SNCB: variants seen among roughly 807,000 people sequenced by gnomAD.
The protein encoded by SNCB is beta-synuclein.
In SNCB, 8 loss-of-function variants were observed where a neutral mutation model predicts 20.0. The ratio of observed to expected loss-of-function variants is 0.40; its 90% CI spans 0.24 to 0.72. The LOEUF (loss-of-function observed/expected upper bound fraction) is 0.72. SNCB is among the 30% of genes least tolerant of loss of function. SNCB has a pLI of 0.37. For missense variants in SNCB, 125 were observed against 168.0 expected (o/e 0.74, Z 1.41); for synonymous variants, 56 against 65.4 (o/e 0.86, Z 0.69).
chr5:176,626,341 T>C lies in SNCB; in HGVS notation c.282+57A>G. 17 of 472,448 alleles carry C rather than the reference T, an allele frequency of 3.6e-5. No individual in the cohort carries two copies. In the Middle Eastern group the frequency reaches 1.9e-3, roughly 52 times the overall value. 29.3% of individuals were successfully genotyped at this position (472,448 alleles called of 1,614,324 possible). On this transcript the variant is annotated intron_variant, in intron 4 of 5. Coordinates refer to ENST00000393693, the MANE Select transcript of SNCB (RefSeq NM_003085.5). The surrounding 1 kb of genome is among the most constrained non-coding windows in gnomAD (Gnocchi z 4.2). ...CAGGTTTATTTGTGTGCCTGGTGTG[T>C]GTGTGTGTGTGTGTGTGTGTGTTTG...
At position 176,621,512 on chromosome 5, in the gene SNCB, A is replaced by C. The variant is rs1017885058; in HGVS notation, c.283-209T>G. Among the ~76,000 whole-genome samples the C allele has an allele frequency of 1.3e-4, 20 of 152,350 alleles. No homozygotes were observed. The highest frequency in any genetic ancestry group is 6.5e-4 in the Admixed American group (10 of 15,312). ...TCCCCCGAATCACAGTTGAAGTGGCAGCATGGAGTGGGAGCTGGCTCTCCA... is the reference window on the plus strand; with the variant it reads ...TCCCCCGAATCACAGTTGAAGTGGCCGCATGGAGTGGGAGCTGGCTCTCCA... On this transcript the variant is annotated intron_variant, in intron 4 of 5. Coordinates refer to ENST00000393693, the MANE Select transcript of SNCB (RefSeq NM_003085.5). The surrounding 1 kb of genome is among the most constrained non-coding windows in gnomAD (Gnocchi z 4.1).
chr5:176,627,140 G>A (rs1183024227), intron 2 of SNCB, among the ~76,000 whole-genome samples: 1 of 152,230 alleles, frequency 6.6e-6, no homozygotes, highest in Non-Finnish European at 1.5e-5. Context: ...CCACTAGGAA[G>A]TGGCTGAACT....
chr5:176,620,498 C>G lies in SNCB; in HGVS notation c.*313G>C. On this transcript the variant is annotated 3_prime_UTR_variant, in exon 6 of 6. Coordinates refer to ENST00000393693, the MANE Select transcript of SNCB (RefSeq NM_003085.5). This position sits in a 1 kb window ranked among gnomAD's most constrained non-coding sequence, Gnocchi z 4.5. ...CTGTCGGGGATCGGGGAGGAGCCGTCGCTCGGATCTTCGTTTAAAAACACA... is the reference window on the plus strand; with the variant it reads ...CTGTCGGGGATCGGGGAGGAGCCGTGGCTCGGATCTTCGTTTAAAAACACA... 2.5e-6 allele frequency: 1 copy of G among 402,694 alleles called. No individual in the cohort carries two copies. Among genetic ancestry groups the G allele is most frequent in the Non-Finnish European group, 4.5e-6 (1 of 223,634 alleles). 24.9% of individuals were successfully genotyped at this position (402,694 alleles called of 1,614,324 possible).
At chr5:176,627,585 C>A (rs534563183) in intron 2 of SNCB, among the ~76,000 whole-genome samples, 1 of 152,310 alleles carries the variant, frequency 6.6e-6, no homozygotes, top group East Asian at 1.9e-4. Context: ...TGGGGAGTAT[C>A]CCGTCTGACA....
In SNCB at chr5:176,629,702, C is replaced by A. The variant is rs755588151; in HGVS notation, c.-9-39G>T. ...TACACGGGCACCGGTGCACTGGCCC[C>A]GCACTCTCACCCCAGCCCCTCCCGC... On this transcript the variant is annotated intron_variant, in intron 1 of 5. Transcript: ENST00000393693. The surrounding 1 kb of genome is among the most constrained non-coding windows in gnomAD (Gnocchi z 4.1). The A allele has an allele frequency of 1.2e-6, 2 of 1,600,068 alleles. No individual in the cohort carries two copies. Among genetic ancestry groups the A allele is most frequent in the Non-Finnish European group, 1.7e-6 (2 of 1,171,330 alleles).
At position 176,629,428 on chromosome 5, in the gene SNCB, C is replaced by T. The variant is rs1760192133; in HGVS notation, c.121+106G>A. ...CTGCTGACCTCGCCCCATCTGCTGA[C>T]TCATATTCTCCTGCCCAGAACCCCC... On this transcript the variant is annotated intron_variant, in intron 2 of 5. Transcript: ENST00000393693. The surrounding 1 kb of genome is among the most constrained non-coding windows in gnomAD (Gnocchi z 4.1). 2.4e-6 allele frequency: 3 copies of T among 1,262,124 alleles called. No individual in the cohort carries two copies. Among genetic ancestry groups the T allele is most frequent in the Non-Finnish European group, 3.4e-6 (3 of 892,002 alleles). The allele number at this position is 1,262,124 out of a possible 1,614,324, so 78.2% of individuals were successfully genotyped here.
In SNCB at chr5:176,620,859, G is replaced by A. The variant is rs1262112829; in HGVS notation, c.373-16C>T. The A allele has an allele frequency of 5.6e-6, 9 of 1,612,862 alleles. No homozygotes were observed. Among genetic ancestry groups the A allele is most frequent in the Non-Finnish European group, 7.6e-6 (9 of 1,178,886 alleles). On this transcript the variant is annotated splice_polypyrimidine_tract_variant and intron_variant, in intron 5 of 5. Transcript: ENST00000393693. This position sits in a 1 kb window ranked among gnomAD's most constrained non-coding sequence, Gnocchi z 4.5. The stretch of plus-strand genomic sequence containing the variant: ...GATATTCCTCCTGCATCACCGGGAT[G>A]GGGGTGGAGTAGAGAAGAGCAAAAA...
At position 176,629,795 on chromosome 5, in the gene SNCB, T is replaced by TC. The variant is rs1196858986; in HGVS notation, c.-9-133dup. 2.5e-6 allele frequency: 3 copies of TC among 1,217,100 alleles called. No homozygotes were observed. The highest frequency in any genetic ancestry group is 1.1e-6 in the Non-Finnish European group (1 of 895,140). 75.4% of individuals were successfully genotyped at this position (1,217,100 alleles called of 1,614,324 possible). ...CTGGACCCTGAGCCCCCTCCCGCTTTCCCCCCATCCCACCCCACTCCCCAG... is the reference window on the plus strand; with the variant it reads ...CTGGACCCTGAGCCCCCTCCCGCTTTCCCCCCCATCCCACCCCACTCCCCAG... On this transcript the variant is annotated intron_variant, in intron 1 of 5. Transcript: ENST00000393693. The surrounding 1 kb of genome is among the most constrained non-coding windows in gnomAD (Gnocchi z 4.1).
In SNCB at chr5:176,620,389, T is replaced by G; in HGVS notation, c.*422A>C. 5.2e-6 allele frequency: 1 copy of G among 192,414 alleles called. No homozygotes were observed. The highest frequency in any genetic ancestry group is 1.3e-4 in the East Asian group (1 of 7,784). The allele number at this position is 192,414 out of a possible 1,614,324, so 11.9% of individuals were successfully genotyped here. On this transcript the variant is annotated 3_prime_UTR_variant, in exon 6 of 6. Transcript: ENST00000393693. The surrounding 1 kb of genome is among the most constrained non-coding windows in gnomAD (Gnocchi z 4.5). ...ACATGGCACAGCCTGGCTCCTGGTTTTGGTTAAAAAAAAAAAGGTTCTCGA... is the reference window on the plus strand; with the variant it reads ...ACATGGCACAGCCTGGCTCCTGGTTGTGGTTAAAAAAAAAAAGGTTCTCGA...
chr5:176,621,162 C>T lies in SNCB; in HGVS notation c.372+52G>A. ...GATGTCCCACCCCAGCTAGGGACGGCAGCAATCATCCTGGATTCCCAAAGT... is the reference window on the plus strand; with the variant it reads ...GATGTCCCACCCCAGCTAGGGACGGTAGCAATCATCCTGGATTCCCAAAGT... On this transcript the variant is annotated intron_variant, in intron 5 of 5. Coordinates refer to ENST00000393693, the MANE Select transcript of SNCB (RefSeq NM_003085.5). This position sits in a 1 kb window ranked among gnomAD's most constrained non-coding sequence, Gnocchi z 4.1. The T allele has an allele frequency of 7.1e-6, 10 of 1,418,152 alleles. No individual in the cohort carries two copies. The highest frequency in any genetic ancestry group is 9.9e-6 in the Non-Finnish European group (10 of 1,015,150). 87.8% of individuals were successfully genotyped at this position (1,418,152 alleles called of 1,614,324 possible).
chr5:176,622,779 C>T (rs1427833222), intron 4 of SNCB, among the ~76,000 whole-genome samples: 1 of 144,286 alleles, frequency 6.9e-6, no homozygotes, highest in Non-Finnish European at 1.5e-5. Context: ...CTCTGTGGCC[C>T]AGGCTGGTGC....
chr5:176,624,109 G>A (rs975015406), intron 4 of SNCB, among the ~76,000 whole-genome samples: 2 of 152,176 alleles, frequency 1.3e-5, no homozygotes, highest in African/African-American at 2.4e-5. Flanking sequence ...GCCTTGAGGC[G>A]TCAACAAGCA....
chr5:176,621,651 GATAACCCTC>G lies in SNCB; in HGVS notation c.283-357_283-349del, dbSNP rs1489712805. Among the ~76,000 whole-genome samples, 5 of 152,248 alleles carry G rather than the reference GATAACCCTC, an allele frequency of 3.3e-5. No individual in the cohort carries two copies. Among genetic ancestry groups the G allele is most frequent in the African/African-American group, 1.2e-4 (5 of 41,476 alleles). ...CTGTGCTGGGCATCGGGACCCCAGA[GATAACCCTC>G]AGGCTCCCCTGGGCTGAAGGGAGCT... On this transcript the variant is annotated intron_variant, in intron 4 of 5. Coordinates refer to ENST00000393693, the MANE Select transcript of SNCB (RefSeq NM_003085.5). The surrounding 1 kb of genome is among the most constrained non-coding windows in gnomAD (Gnocchi z 4.1).
chr5:176,626,865 C>T lies in SNCB; in HGVS notation c.122-104G>A. ...AGTGGGCATCCTGGCCCCGTCACTGCCTCCTTGGGTCCCCACATCCTACAA... is the reference window on the plus strand; with the variant it reads ...AGTGGGCATCCTGGCCCCGTCACTGTCTCCTTGGGTCCCCACATCCTACAA... On this transcript the variant is annotated intron_variant, in intron 2 of 5. Coordinates refer to ENST00000393693, the MANE Select transcript of SNCB (RefSeq NM_003085.5). This position sits in a 1 kb window ranked among gnomAD's most constrained non-coding sequence, Gnocchi z 4.2. 3.3e-6 allele frequency: 4 copies of T among 1,203,986 alleles called. No individual in the cohort carries two copies. Among genetic ancestry groups the T allele is most frequent in the Middle Eastern group, 2.1e-4 (1 of 4,808 alleles). 74.6% of individuals were successfully genotyped at this position (1,203,986 alleles called of 1,614,324 possible).
At position 176,620,919 on chromosome 5, in the gene SNCB, G is replaced by A. The variant is rs890438222; in HGVS notation, c.373-76C>T. On this transcript the variant is annotated intron_variant, in intron 5 of 5. Coordinates refer to ENST00000393693, the MANE Select transcript of SNCB (RefSeq NM_003085.5). The surrounding 1 kb of genome is among the most constrained non-coding windows in gnomAD (Gnocchi z 4.5). ...GTTTGAGACCAAGTGGCCAAGCCCC[G>A]GCCCAAGAACCCTCTCCCTGAAGGA... The A allele has an allele frequency of 9.2e-6, 12 of 1,308,760 alleles. No individual in the cohort carries two copies. Among genetic ancestry groups the A allele is most frequent in the South Asian group, 2.3e-5 (2 of 85,158 alleles). The allele number at this position is 1,308,760 out of a possible 1,614,324, so 81.1% of individuals were successfully genotyped here. A position where few individuals can be genotyped will look rare whatever the true frequency, so the allele number is the denominator to read the frequency against.
At position 176,630,523 on chromosome 5, in the gene SNCB, T is replaced by G. The variant is rs1760330176; in HGVS notation, c.-253A>C. The stretch of plus-strand genomic sequence containing the variant: ...CCGGCTCCGGCTCCGGCTCCGGCGC[T>G]GCGGCAGCTCTGAGCTCAGCGCCCC... On this transcript the variant is annotated 5_prime_UTR_variant, in exon 1 of 6. Transcript: ENST00000393693. 1 of 152,642 alleles carries G rather than the reference T, an allele frequency of 6.6e-6. No homozygotes were observed. Among genetic ancestry groups the G allele is most frequent in the African/African-American group, 2.5e-5 (1 of 40,796 alleles). 9.5% of individuals were successfully genotyped at this position (152,642 alleles called of 1,614,324 possible).
In SNCB at chr5:176,626,161, A is replaced by G. The variant is rs987095650; in HGVS notation, c.282+237T>C. Among the ~76,000 whole-genome samples, 1 of 152,166 alleles carries G rather than the reference A, an allele frequency of 6.6e-6. No homozygotes were observed. The highest frequency in any genetic ancestry group is 2.4e-5 in the African/African-American group (1 of 41,440). On this transcript the variant is annotated intron_variant, in intron 4 of 5. Coordinates refer to ENST00000393693, the MANE Select transcript of SNCB (RefSeq NM_003085.5). The surrounding 1 kb of genome is among the most constrained non-coding windows in gnomAD (Gnocchi z 4.2). ...GCTGGCAAGCAGGATACACGCAGAC[A>G]GCCAGGTCTGGGTCCCCATCACCGG...
intron 2 of SNCB, among the ~76,000 whole-genome samples, chr5:176,628,389 C>G (rs1454653436): frequency 6.6e-6 from 1 of 152,194 alleles, no homozygotes; most frequent in Non-Finnish European, 1.5e-5. Flanking sequence ...CCCTGCCACC[C>G]TCATCCTGTG....
intron 4 of SNCB, among the ~76,000 whole-genome samples, chr5:176,624,320 G>A (rs1759793450): frequency 6.6e-6 from 1 of 152,234 alleles, no homozygotes; most frequent in African/African-American, 2.4e-5. Flanking sequence ...GGCAGGAAAT[G>A]GGGTCTTGGG....
Sources: gnomAD v4.1 joint callset for allele counts (sites outside exome capture counted in the v4.1 genomes callset) on GRCh38, gnomAD v4.1.1 for gene constraint, Gnocchi (gnomAD v3.1) non-coding constraint, MANE v1.5 for transcripts, NCBI Gene and HGNC (gene_info 2026-07-23, HGNC 2026-07-21) for gene names.